Variants in RYR1 observed in about 807,000 individuals in gnomAD.
The protein encoded by RYR1 is central core disease of muscle.
A neutral mutation model predicts 583.5 loss-of-function variants in RYR1; 342 were observed. That is an observed-to-expected ratio of 0.59 (90% CI 0.54 to 0.64). The LOEUF (loss-of-function observed/expected upper bound fraction) is 0.64. Among genes scored for constraint, RYR1 ranks in the 30% least tolerant of loss-of-function variants. The pLI is 0.00. For missense variants in RYR1, 6,032 were observed against 6,917.2 expected (o/e 0.87, Z 4.54); for synonymous variants, 2,791 against 2,822.5 (o/e 0.99, Z 0.35).
chr19:38,519,625 G>A (rs539377519), intron 67 of RYR1, among the ~76,000 whole-genome samples, 171 bp downstream of exon 67: 26 of 152,174 alleles, frequency 1.7e-4, no homozygotes, highest in Non-Finnish European at 2.5e-4. Flanking sequence ...TTGGTCCAAC[G>A]ACAGCCAGCC....
chr19:38,545,716 C>T (rs2078834673), intron 87 of RYR1, among the ~76,000 whole-genome samples: 1 of 152,118 alleles, frequency 6.6e-6, no homozygotes, highest in Admixed American at 6.6e-5. Flanking sequence ...GAGGCTTAGG[C>T]AGGGGAATTG....
Position 38,550,597 on chromosome 19 carries a change from AC to A in RYR1, c.12282+2182del. On this transcript the variant is annotated intron_variant, in intron 89 of 105. Transcript: ENST00000359596. ...ACAATCCTAGCTCACTGCATCCTTG[AC>A]CCCCTGGGCTCAGGCGATCCTCCTG... Among the ~76,000 whole-genome samples, 3 of 151,684 alleles carry A rather than the reference AC, an allele frequency of 2.0e-5. No homozygotes were observed. The East Asian group carries it at 5.8e-4, about 29-fold the overall frequency.
chr19:38,535,414 C>G (rs1971923330), intron 81 of RYR1, 22 bp downstream of exon 81: 1 of 1,594,078 alleles, frequency 6.3e-7, no homozygotes, highest in Non-Finnish European at 8.6e-7. Flanking sequence ...TGGACCTCTT[C>G]TTGTTAAGCT....
intron 47 of RYR1, 120 bp from the exon 48 acceptor site, chr19:38,502,387 G>A: frequency 1.1e-6 from 1 of 898,452 alleles, no homozygotes; most frequent in Non-Finnish European, 1.8e-6. Context: ...GAGATTGGGA[G>A]GAGCAGGTTT....
At chr19:38,517,774 G>A (rs1971042612) in intron 66 of RYR1, 83 bp downstream of exon 66, 1 of 1,371,078 alleles carries the variant, frequency 7.3e-7, no homozygotes, top group African/African-American at 1.4e-5. Context: ...GGAGACCCAT[G>A]GTCCCCTCGG....
At position 38,513,206 on chromosome 19, in the gene RYR1, G is replaced by A. The variant is rs190205162; in HGVS notation, c.9472+723G>A. On this transcript the variant is annotated intron_variant, in intron 63 of 105. Transcript: ENST00000359596. ...ACAAAAATTAGCCGGGCATGGTGGT[G>A]GTCGCCTATAATCCTAGCTACCTGG... Among the ~76,000 whole-genome samples the A allele has an allele frequency of 1.1e-3, 174 of 152,060 alleles. 5 individuals carry two copies. The East Asian group carries it at 0.027, about 23-fold the overall frequency.
intron 22 of RYR1, 128 bp from the exon 23 acceptor site, chr19:38,464,511 A>G (rs1334285839): frequency 1.1e-5 from 8 of 716,048 alleles, no homozygotes; most frequent in Admixed American, 2.2e-5. Flanking sequence ...CAAGAGAGAC[A>G]GGGCCAGAGC....
chr19:38,492,602 T>C lies in RYR1; in HGVS notation c.6240T>C (p.Pro2080=), dbSNP rs1195274980. Residue 2080 remains proline, a synonymous_variant, in exon 38 of 106, where the codon CCT becomes CCC. Coordinates refer to ENST00000359596, the MANE Select transcript of RYR1 (RefSeq NM_000540.3). The stretch of plus-strand genomic sequence containing the variant: ...TGGTGAAGAAGAAGGAAGAGAAACC[T>C]GAGGAGGAGCGGTCAGCAGAGGAGA... ...VRLVKKKEEK[P]EEERSAEESK... is the part of the protein sequence containing the mutation. 1 of 1,611,320 alleles carries C rather than the reference T, an allele frequency of 6.2e-7. No individual in the cohort carries two copies. The highest frequency in any genetic ancestry group is 1.1e-5 in the South Asian group (1 of 91,014).
chr19:38,504,456 AAGG>A (rs1462985706), intron 50 of RYR1, 96 bp downstream of exon 50: 2 of 1,463,022 alleles, frequency 1.4e-6, no homozygotes, highest in African/African-American at 2.8e-5. Context: ...TGGGGGGTTC[AAGG>A]AGGAGAAGGT....
chr19:38,527,413 A>C (rs1481395516), intron 72 of RYR1: 2 of 576,816 alleles, frequency 3.5e-6, no homozygotes, highest in Non-Finnish European at 6.1e-6. Flanking sequence ...AGGAGGCTGA[A>C]GCAGGAGAAT....
chr19:38,464,616 C>T lies in RYR1; in HGVS notation c.2787-23C>T, dbSNP rs370773713. 197 of 1,558,098 alleles carry T rather than the reference C, an allele frequency of 1.3e-4. No homozygotes were observed. The East Asian group carries it at 3.6e-3, about 28-fold the overall frequency. ...GGGAGCTCTGAGGGGCGTGACCTGT[C>T]GCCTCCACTCCCCCACCCCCAGGAC... On this transcript the variant is annotated intron_variant, in intron 22 of 105. Transcript: ENST00000359596.
intron 93 of RYR1, among the ~76,000 whole-genome samples, chr19:38,569,235 C>T (rs1973600656): frequency 6.6e-6 from 1 of 152,092 alleles, no homozygotes; most frequent in Non-Finnish European, 1.5e-5. Context: ...TGGCCTAGAT[C>T]TGACCTTGTG....
chr19:38,538,104 A>G, intron 84 of RYR1, 144 bp downstream of exon 84: 1 of 791,588 alleles, frequency 1.3e-6, no homozygotes, highest in South Asian at 1.5e-5. Flanking sequence ...TAGCTTTCAA[A>G]ATCTCTCTGG....
chr19:38,485,577 A>G lies in RYR1; in HGVS notation c.4935-13A>G. The G allele has an allele frequency of 6.2e-7, 1 of 1,607,356 alleles. No individual in the cohort carries two copies. The highest frequency in any genetic ancestry group is 8.5e-7 in the Non-Finnish European group (1 of 1,179,864). On this transcript the variant is annotated splice_polypyrimidine_tract_variant and intron_variant, in intron 33 of 105. Coordinates refer to ENST00000359596, the MANE Select transcript of RYR1 (RefSeq NM_000540.3). ...ATTCATCTGTCCCTGTCTGTTTCCC[A>G]CCTCTGCTGCAGGTGCATGGACATC...
At chr19:38,507,852 T>C (rs1364333962) in intron 58 of RYR1, 25 bp downstream of exon 58, 1 of 1,460,364 alleles carries the variant, frequency 6.8e-7, no homozygotes, top group Non-Finnish European at 9.5e-7. Flanking sequence ...CCCCCGCTTA[T>C]GCCCGCCCCA....
intron 16 of RYR1, 144 bp downstream of exon 16, chr19:38,455,895 A>C: frequency 3.1e-6 from 2 of 650,758 alleles, no homozygotes; most frequent in Non-Finnish European, 2.8e-6. Context: ...TTTCATCTCC[A>C]CACAGGGGTC....
intron 58 of RYR1, among the ~76,000 whole-genome samples, chr19:38,508,289 A>T (rs1380987660): frequency 2.0e-5 from 3 of 151,884 alleles, no homozygotes; most frequent in Non-Finnish European, 4.4e-5. Context: ...GGCTCACTGC[A>T]ACCTCTGCTT....
Position 38,567,412 on chromosome 19 carries a change from GA to G in RYR1, c.13515-359del, listed in dbSNP as rs139065278. ...TTCGCATGTGCTTTCCCGCTGCCTG[GA>G]ACACAGGCCCCCATGCCTACTCTGA... On this transcript the variant is annotated intron_variant, in intron 92 of 105. Coordinates refer to ENST00000359596, the MANE Select transcript of RYR1 (RefSeq NM_000540.3). 8.3e-3 allele frequency among the ~76,000 whole-genome samples: 1,267 copies of G among 152,270 alleles called. 18 individuals are homozygous for G. The highest frequency in any genetic ancestry group is 0.029 in the African/African-American group (1,212 of 41,552).
intron 1 of RYR1, among the ~76,000 whole-genome samples, chr19:38,437,871 A>G (rs1322857595): frequency 6.6e-6 from 1 of 151,614 alleles, no homozygotes; most frequent in East Asian, 1.9e-4. Flanking sequence ...GCCTGCAGTC[A>G]TAGCTTCTCA....
Sources: allele counts gnomAD v4.1 joint callset (sites outside exome capture counted in the v4.1 genomes callset), GRCh38; gene constraint gnomAD v4.1.1; transcripts MANE v1.5; gene names NCBI Gene and HGNC (gene_info 2026-07-23, HGNC 2026-07-21).